Variants in CACNA1C observed in about 807,000 individuals in gnomAD.
The protein encoded by CACNA1C is voltage-dependent L-type calcium channel subunit alpha-1C.
A neutral mutation model predicts 229.0 loss-of-function variants in CACNA1C; 30 were observed. That is an observed-to-expected ratio of 0.13 (90% confidence interval 0.10 to 0.18). The LOEUF (loss-of-function observed/expected upper bound fraction) is 0.18. Among genes scored for constraint, CACNA1C ranks in the 10% least tolerant of loss-of-function variants. CACNA1C has a pLI of 1.00. For missense variants in CACNA1C, 1,658 were observed against 2,845.0 expected, an observed-to-expected ratio of 0.58 and a Z score of 9.49; for synonymous variants, 1,114 against 1,132.5, an observed-to-expected ratio of 0.98 and a Z score of 0.33.
At chr12:2,129,602 A>G (rs1325649663) in intron 3 of CACNA1C, among the ~76,000 whole-genome samples, 1 of 152,206 alleles carries the variant, frequency 6.6e-6, no homozygotes, top group African/African-American at 2.4e-5. Flanking sequence ...TCCAGAATAT[A>G]AAATACAAAT....
In CACNA1C at chr12:2,573,396, A is replaced by C. The variant is rs189158677; in HGVS notation, c.1895+5602A>C. Among the ~76,000 whole-genome samples the C allele has an allele frequency of 1.1e-3, 171 of 152,344 alleles. 2 individuals carry two copies. Among genetic ancestry groups the C allele is most frequent in the African/African-American group, 3.8e-3 (158 of 41,576 alleles). ...ATTCTGTCAAGATGGTACTTTTGAT[A>C]GTTTTTGACTGAGAAAACACATCAA... On this transcript the variant is annotated intron_variant, in intron 13 of 46. Transcript: ENST00000399655.
intron 3 of CACNA1C, among the ~76,000 whole-genome samples, chr12:2,439,278 G>C (rs1418297303): frequency 6.6e-6 from 1 of 152,188 alleles, no homozygotes; most frequent in African/African-American, 2.4e-5. Flanking sequence ...CAGCATTGTG[G>C]CAAAGGTTGA....
intron 9 of CACNA1C, among the ~76,000 whole-genome samples, chr12:2,546,800 T>C (rs927916997): frequency 6.6e-6 from 1 of 152,202 alleles, no homozygotes; most frequent in Non-Finnish European, 1.5e-5. Flanking sequence ...CAGACACATA[T>C]ATGTTTTGGA....
chr12:2,644,575 C>T (rs1484041969), intron 30 of CACNA1C, among the ~76,000 whole-genome samples: 6 of 152,158 alleles, frequency 3.9e-5, no homozygotes, highest in Admixed American at 2.6e-4. Flanking sequence ...GAAACACATC[C>T]TGCGGCCTCC....
intron 5 of CACNA1C, among the ~76,000 whole-genome samples, chr12:2,468,154 A>G (rs1490780988): frequency 6.6e-6 from 1 of 152,254 alleles, no homozygotes; most frequent in African/African-American, 2.4e-5. Context: ...CTGAGTATCA[A>G]CAACAGTATG....
intron 3 of CACNA1C, among the ~76,000 whole-genome samples, chr12:2,278,624 G>A (rs192688596): frequency 1.3e-4 from 20 of 152,286 alleles, no homozygotes; most frequent in Admixed American, 9.2e-4. Flanking sequence ...TATGGATATA[G>A]CACAGTTTAT....
At chr12:2,025,677 G>A (rs2047199363) in intron 1 of CACNA1C, among the ~76,000 whole-genome samples, 1 of 152,162 alleles carries the variant, frequency 6.6e-6, no homozygotes, top group South Asian at 2.1e-4. Context: ...TCCTCTTGGA[G>A]AAGCTTTCAC....
At chr12:2,286,203 G>T (rs2092648522) in intron 3 of CACNA1C, among the ~76,000 whole-genome samples, 1 of 152,186 alleles carries the variant, frequency 6.6e-6, no homozygotes, top group Non-Finnish European at 1.5e-5. Context: ...AAACAAGACT[G>T]GCCTGCTTGA....
At chr12:2,260,167 C>T (rs2079523354) in intron 3 of CACNA1C, among the ~76,000 whole-genome samples, 1 of 152,088 alleles carries the variant, frequency 6.6e-6, no homozygotes, top group Non-Finnish European at 1.5e-5. Flanking sequence ...ACTTGGCTGA[C>T]ACAATCTGGG....
intron 3 of CACNA1C, among the ~76,000 whole-genome samples, chr12:2,336,474 A>G (rs2096699373): frequency 6.6e-6 from 1 of 152,090 alleles, no homozygotes; most frequent in Non-Finnish European, 1.5e-5. Flanking sequence ...TGAATCTGAG[A>G]TTTCAACCAC....
intron 5 of CACNA1C, among the ~76,000 whole-genome samples, chr12:2,471,427 C>A (rs2154567832): frequency 6.6e-6 from 1 of 152,352 alleles, no homozygotes; most frequent in African/African-American, 2.4e-5. Context: ...TTCTACTACA[C>A]ATTCTATAGA....
intron 3 of CACNA1C, among the ~76,000 whole-genome samples, chr12:2,207,107 A>C (rs2097775731): frequency 6.6e-6 from 1 of 152,200 alleles, no homozygotes; most frequent in Non-Finnish European, 1.5e-5. Context: ...CCCCAGGACC[A>C]CATTCGAGGA....
At position 2,550,009 on chromosome 12, in the gene CACNA1C, G is replaced by A; in HGVS notation, c.1457G>A (p.Gly486Glu). ...TENVAGGDIE[G>E]ENCGARLAHR... Reference sequence around the variant, plus strand: ...AACGTGGCTGGAGGTGACATCGAGGGAGAAAACTGCGGGGCCAGGCTGGCG... The same window carrying A: ...AACGTGGCTGGAGGTGACATCGAGGAAGAAAACTGCGGGGCCAGGCTGGCG... Residue 486 changes from glycine to glutamate, a missense_variant, in exon 10 of 47, where the codon GGA (glycine) becomes GAA (glutamate). Physicochemically the swap from Gly to Glu is moderately conservative, Grantham distance 98. This residue lies in a region of CACNA1C where 149 missense variants were observed against 194.2 expected (regional missense o/e 0.77). Coordinates refer to ENST00000399655, the MANE Select transcript of CACNA1C (RefSeq NM_000719.7). 6.2e-7 allele frequency: 1 copy of A among 1,607,292 alleles called. No homozygotes were observed. Among genetic ancestry groups the A allele is most frequent in the East Asian group, 2.2e-5 (1 of 44,586 alleles).
intron 3 of CACNA1C, 114 bp from the exon 4 acceptor site, chr12:2,448,862 C>A: frequency 2.3e-6 from 2 of 866,388 alleles, no homozygotes. Flanking sequence ...CTTGGTTCCA[C>A]CACAGAGGGG....
intron 1 of CACNA1C, among the ~76,000 whole-genome samples, chr12:2,089,445 T>C (rs2069265039): frequency 6.6e-6 from 1 of 152,158 alleles, no homozygotes; most frequent in Admixed American, 6.5e-5. Context: ...TAGTAAGACT[T>C]GACTCCTGTC....
intron 3 of CACNA1C, among the ~76,000 whole-genome samples, chr12:2,321,406 C>T (rs549275100): frequency 2.0e-5 from 3 of 152,100 alleles, no homozygotes; most frequent in South Asian, 2.1e-4. Context: ...GTACCCATCT[C>T]GTAGGGCTGA....
intron 7 of CACNA1C, among the ~76,000 whole-genome samples, chr12:2,495,293 A>T (rs1000529411): frequency 2.6e-5 from 4 of 152,236 alleles, no homozygotes; most frequent in African/African-American, 9.6e-5. Context: ...AGCCAAGGAC[A>T]GAAACATCCT....
intron 1 of CACNA1C, among the ~76,000 whole-genome samples, chr12:1,989,340 A>AAGAGC (rs546522826): frequency 6.6e-6 from 1 of 152,298 alleles, no homozygotes; most frequent in South Asian, 2.1e-4. Flanking sequence ...CTTGTCTCTA[A>AAGAGC]AGAGCAGAGC....
intron 1 of CACNA1C, among the ~76,000 whole-genome samples, chr12:2,019,694 A>G (rs924523972): frequency 1.3e-5 from 2 of 152,244 alleles, no homozygotes; most frequent in African/African-American, 2.4e-5. Flanking sequence ...ACTGTTAACT[A>G]TAGCAATCAT....
Sources: allele counts gnomAD v4.1 joint callset (sites outside exome capture counted in the v4.1 genomes callset), GRCh38; gene constraint gnomAD v4.1.1; regional missense constraint gnomAD v4.1.1; transcripts MANE v1.5; gene names NCBI Gene and HGNC (gene_info 2026-07-23, HGNC 2026-07-21).